Variants in TLE5 observed in about 807,000 individuals in gnomAD.
TLE5 encodes TLE family member 5.
In TLE5, 7 loss-of-function variants were observed where a neutral mutation model predicts 25.8. The ratio of observed to expected loss-of-function variants is 0.27; its 90% CI spans 0.15 to 0.51. The LOEUF (loss-of-function observed/expected upper bound fraction) is 0.51, where lower values mean the gene tolerates loss of function less well. TLE5 is among the 20% of genes least tolerant of loss of function. The probability of loss-of-function intolerance (pLI) is 0.97; values close to 1 mark genes in which losing one functional copy is unlikely to be tolerated. For synonymous variants in TLE5, 132 were observed against 110.5 expected, an observed-to-expected ratio of 1.20 and a Z score of -1.22; for missense variants, 149 against 250.7, an observed-to-expected ratio of 0.59 and a Z score of 2.74.
chr19:3,062,753 C>CT (rs1335724720), upstream of TLE5: 3 of 1,546,662 alleles, frequency 1.9e-6, no homozygotes, highest in Non-Finnish European at 2.6e-6. Context: ...AGGGACCCGG[C>CT]TGCCCGCGTC....
At chr19:3,057,648 AACACT>A in intron 3 of TLE5, 26 bp downstream of exon 3, 1 of 1,606,864 alleles carries the variant, frequency 6.2e-7, no homozygotes, top group South Asian at 1.1e-5. Context: ...GCCCGCCCCC[AACACT>A]GGACCTGGGG....
intron 2 of TLE5, among the ~76,000 whole-genome samples, chr19:3,058,033 C>T (rs1225275816): frequency 1.3e-5 from 2 of 151,954 alleles, no homozygotes; most frequent in Non-Finnish European, 2.9e-5. Context: ...TCAATGAAGC[C>T]GTAAACTTTC....
chr19:3,061,624 T>G (rs1469598372), intron 1 of TLE5, among the ~76,000 whole-genome samples: 1 of 149,144 alleles, frequency 6.7e-6, no homozygotes, highest in African/African-American at 2.5e-5. Context: ...CTCCCCAAGT[T>G]GGGGGGCAGC....
chr19:3,056,405 T>C, intron 3 of TLE5, 49 bp from the exon 4 acceptor site: 1 of 184,278 alleles, frequency 5.4e-6, no homozygotes. Context: ...TGGGGAAGGA[T>C]GGGGGGACAC....
At chr19:3,054,099 C>CCCCCCCCCGG in intron 6 of TLE5, 21 bp downstream of exon 6, 1 of 1,548,270 alleles carries the variant, frequency 6.5e-7, no homozygotes. Flanking sequence ...CCCGCCCACC[C>CCCCCCCCCGG]GCCCAGGTCC....
intron 4 of TLE5, chr19:3,056,028 G>A: frequency 1.9e-6 from 1 of 528,282 alleles, no homozygotes; most frequent in South Asian, 2.7e-5. Context: ...GTAAGCGCTT[G>A]TGCGAATGTA....
At chr19:3,060,105 T>A (rs1054458207) in intron 2 of TLE5, among the ~76,000 whole-genome samples, 4 of 152,040 alleles carry the variant, frequency 2.6e-5, no homozygotes, top group Non-Finnish European at 4.4e-5. Flanking sequence ...CGCTTCAGTT[T>A]AGAGAGGGCC....
intron 2 of TLE5, among the ~76,000 whole-genome samples, chr19:3,058,518 G>A (rs2090239234): frequency 1.3e-5 from 2 of 152,190 alleles, no homozygotes; most frequent in South Asian, 4.1e-4. Context: ...GCTTCATGGG[G>A]GGCCTGGACT....
chr19:3,056,519 G>C, intron 3 of TLE5, 163 bp from the exon 4 acceptor site: 1 of 602,042 alleles, frequency 1.7e-6, no homozygotes, highest in East Asian at 3.1e-5. Context: ...AGGGAAAGAG[G>C]AGGGAGAGAC....
At position 3,055,705 on chromosome 19, in the gene TLE5, T is replaced by A; in HGVS notation, c.256A>T (p.Asn86Tyr). 1 of 1,609,124 alleles carries A rather than the reference T, an allele frequency of 6.2e-7. No homozygotes were observed. Among genetic ancestry groups the A allele is most frequent in the Non-Finnish European group, 8.5e-7 (1 of 1,177,422 alleles). Reference sequence around the variant, plus strand: ...GGCAGGACCTGGGCACAAATCCCGTTCAGCCTTTTGACGATCTCAGCCTGG... The same window carrying A: ...GGCAGGACCTGGGCACAAATCCCGTACAGCCTTTTGACGATCTCAGCCTGG... ...HKQAEIVKRL[N>Y]GICAQVLPYL... The change falls in exon 5 of 7, where the codon AAC becomes TAC. Residue 86 changes from asparagine to tyrosine, a missense_variant. By Grantham distance (143) the Asn-to-Tyr change is moderately radical (BLOSUM62 -2). Coordinates refer to ENST00000327141, the MANE Select transcript of TLE5 (RefSeq NM_001130.6).
At chr19:3,060,328 C>CT (rs990199468) in intron 2 of TLE5, among the ~76,000 whole-genome samples, 14,428 of 93,366 alleles carry the variant, frequency 0.15, 1,469 homozygotes, top group Middle Eastern at 0.19. Context: ...TTTTTTCTTT[C>CT]TTTTTTTTTT....
intron 3 of TLE5, chr19:3,056,675 C>T (rs973536671): frequency 2.0e-5 from 11 of 549,960 alleles, no homozygotes; most frequent in African/African-American, 1.5e-4. Flanking sequence ...CATTCCAGGG[C>T]TCCTAATCTT....
intron 1 of TLE5, 140 bp from the exon 2 acceptor site, chr19:3,061,397 G>A (rs1054909828): frequency 5.4e-6 from 3 of 550,798 alleles, no homozygotes; most frequent in Non-Finnish European, 9.3e-6. Flanking sequence ...GGCCCCTGGC[G>A]CGACCCCACC....
At chr19:3,058,100 C>CT (rs3217064) in intron 2 of TLE5, among the ~76,000 whole-genome samples, 45,448 of 151,588 alleles carry the variant, frequency 0.3, 7,527 homozygotes, top group East Asian at 0.55. Flanking sequence ...GTTGAGCTCT[C>CT]TGTGATGCTG....
In TLE5 at chr19:3,062,359, C is replaced by T. The variant is rs2090278994; in HGVS notation, c.-159G>A. ...CGGCCTCGCCCGCTTCCTGCGCCCCCTCCCCGCGCGCCCGGCCCCGGCGCG... is the reference window on the plus strand; with the variant it reads ...CGGCCTCGCCCGCTTCCTGCGCCCCTTCCCCGCGCGCCCGGCCCCGGCGCG... On this transcript the variant is annotated 5_prime_UTR_variant, in exon 1 of 7. Transcript: ENST00000327141. 1 of 975,896 alleles carries T rather than the reference C, an allele frequency of 1.0e-6. No individual in the cohort carries two copies. Among genetic ancestry groups the T allele is most frequent in the South Asian group, 4.6e-5 (1 of 21,782 alleles). The allele number at this position is 975,896 out of a possible 1,614,324, so 60.5% of individuals were successfully genotyped here.
At chr19:3,060,387 C>A (rs1237442792) in intron 2 of TLE5, among the ~76,000 whole-genome samples, 2 of 131,572 alleles carry the variant, frequency 1.5e-5, no homozygotes, top group Admixed American at 9.0e-5. Context: ...GGCTGGAGAG[C>A]AGTGGCTCCA....
At chr19:3,058,045 T>C (rs1282421117) in intron 2 of TLE5, among the ~76,000 whole-genome samples, 1 of 151,912 alleles carries the variant, frequency 6.6e-6, no homozygotes, top group Non-Finnish European at 1.5e-5. Flanking sequence ...TAAACTTTCA[T>C]AGGGGCTGAG....
chr19:3,055,591 A>G, intron 5 of TLE5, 73 bp downstream of exon 5: 4 of 1,404,266 alleles, frequency 2.8e-6, no homozygotes, highest in Non-Finnish European at 3.9e-6. Context: ...ACCACCCAAG[A>G]TGGCTGCAGT....
chr19:3,057,646 C>T (rs767247887), intron 3 of TLE5, 33 bp downstream of exon 3: 5 of 1,610,526 alleles, frequency 3.1e-6, no homozygotes, highest in Non-Finnish European at 4.2e-6. Flanking sequence ...TCGCCCGCCC[C>T]CAACACTGGA....
Sources: allele counts gnomAD v4.1 joint callset (sites outside exome capture counted in the v4.1 genomes callset), GRCh38; gene constraint gnomAD v4.1.1; transcripts MANE v1.5; gene names NCBI Gene and HGNC (gene_info 2026-07-23, HGNC 2026-07-21).